Variants in TSKS observed in about 807,000 individuals in gnomAD.
TSKS encodes testis-specific serine kinase substrate.
A neutral mutation model predicts 68.0 loss-of-function variants in TSKS; 27 were observed. That is an observed-to-expected ratio of 0.40 (90% confidence interval 0.29 to 0.55). TSKS has a LOEUF of 0.55. TSKS is among the 20% of genes least tolerant of loss of function. TSKS has a pLI of 0.53. For synonymous variants in TSKS, 331 were observed against 340.4 expected (o/e 0.97, Z 0.30); for missense variants, 806 against 776.0 (o/e 1.04, Z -0.46).
At chr19:49,747,558 C>T in intron 4 of TSKS, 86 bp from the exon 5 acceptor site, 1 of 1,350,578 alleles carries the variant, frequency 7.4e-7, no homozygotes, top group South Asian at 1.2e-5. Context: ...CATCCAGGCT[C>T]CAGGCCTCCT....
Position 49,744,220 on chromosome 19 carries a change from A to T in TSKS, c.1361+11T>A, listed in dbSNP as rs774671172. On this transcript the variant is annotated intron_variant, in intron 8 of 10. Transcript: ENST00000246801. ...CCACAAGGCTCCCAGAGGCAAGCCC[A>T]GCCCCGTTACCTGGCACAGCGGGCA... is the stretch of plus-strand genomic sequence containing the variant. 8.7e-6 allele frequency: 14 copies of T among 1,607,814 alleles called. No individual in the cohort carries two copies. The highest frequency in any genetic ancestry group is 6.7e-5 in the Admixed American group (4 of 59,870).
At chr19:49,752,736 A>G (rs752361397) in intron 2 of TSKS, among the ~76,000 whole-genome samples, 1 of 152,248 alleles carries the variant, frequency 6.6e-6, no homozygotes, top group South Asian at 2.1e-4. Flanking sequence ...GGAAAATCTG[A>G]TGGACATATC....
At chr19:49,755,550 G>GCT (rs1319726874) in intron 2 of TSKS, among the ~76,000 whole-genome samples, 1 of 151,976 alleles carries the variant, frequency 6.6e-6, no homozygotes, top group African/African-American at 2.4e-5. Flanking sequence ...CAATAAGAAG[G>GCT]CTGGACATGG....
chr19:49,747,245 A>T, intron 5 of TSKS, 144 bp downstream of exon 5: 5 of 1,553,230 alleles, frequency 3.2e-6, no homozygotes, highest in Non-Finnish European at 4.3e-6. Context: ...CCCTCTTATC[A>T]GCGAGTTCTA....
chr19:49,759,978 C>T (rs982229203), intron 2 of TSKS, among the ~76,000 whole-genome samples: 3 of 151,168 alleles, frequency 2.0e-5, no homozygotes, highest in African/African-American at 4.9e-5. Flanking sequence ...CATGGTGAAA[C>T]CCCATCTCTA....
At chr19:49,745,651 T>C (rs974209072) in intron 6 of TSKS, among the ~76,000 whole-genome samples, 1 of 152,060 alleles carries the variant, frequency 6.6e-6, no homozygotes, top group Non-Finnish European at 1.5e-5. Flanking sequence ...CCCCAACCTC[T>C]ACCTGGGCTC....
intron 2 of TSKS, among the ~76,000 whole-genome samples, chr19:49,754,917 G>A (rs944315396): frequency 6.6e-6 from 1 of 152,080 alleles, no homozygotes; most frequent in African/African-American, 2.4e-5. Context: ...GGCCAACAAG[G>A]TGAAACCCCG....
intron 2 of TSKS, among the ~76,000 whole-genome samples, chr19:49,758,297 T>C (rs1480299042): frequency 6.6e-6 from 1 of 152,178 alleles, no homozygotes; most frequent in East Asian, 1.9e-4. Context: ...TTCCAGCTCC[T>C]GCTGCCCCCC....
At chr19:49,758,102 T>TGGTCTCTGTCCCCCACTCTCTG (rs879360012) in intron 2 of TSKS, among the ~76,000 whole-genome samples, 8,455 of 147,524 alleles carry the variant, frequency 0.057, 434 homozygotes, top group African/African-American at 0.13. Flanking sequence ...TCCTCTCTCT[T>TGGTCTCTGTCCCCCACTCTCTG]GGTCTCTGTC....
At chr19:49,747,165 C>A in intron 5 of TSKS, 1 of 1,536,308 alleles carries the variant, frequency 6.5e-7, no homozygotes, top group Non-Finnish European at 8.7e-7. Flanking sequence ...CAGCTCGATT[C>A]TCTTTCTGGG....
intron 2 of TSKS, among the ~76,000 whole-genome samples, chr19:49,751,442 T>C (rs2084350085): frequency 6.6e-6 from 1 of 151,406 alleles, no homozygotes; most frequent in Non-Finnish European, 1.5e-5. Context: ...TCAAAGAGCA[T>C]TTATTCAAGA....
At chr19:49,742,119 C>A in intron 8 of TSKS, 99 bp from the exon 9 acceptor site, 1 of 1,379,538 alleles carries the variant, frequency 7.2e-7, no homozygotes. Flanking sequence ...GGCCTCGTTT[C>A]CAGTATGCAC....
rs769888928 is a variant in TSKS at position 49,748,034 on chromosome 19, T to G, written c.579+51A>C. On this transcript the variant is annotated intron_variant, in intron 4 of 10. Transcript: ENST00000246801. ...TCCTCCCCTCTTTCTCCCACCCTCTTCTTACTCCCATTCCCCTCTCCCCAT... is the reference window on the plus strand; with the variant it reads ...TCCTCCCCTCTTTCTCCCACCCTCTGCTTACTCCCATTCCCCTCTCCCCAT... The G allele has an allele frequency of 2.6e-6, 4 of 1,560,672 alleles. No homozygotes were observed. The African/African-American group carries it at 5.4e-5, about 21-fold the overall frequency.
At chr19:49,750,831 G>A (rs2084343967) in intron 2 of TSKS, among the ~76,000 whole-genome samples, 1 of 152,046 alleles carries the variant, frequency 6.6e-6, no homozygotes, top group Non-Finnish European at 1.5e-5. Flanking sequence ...AGCATTTTAT[G>A]TGCAAAAAAG....
chr19:49,741,523 A>G (rs973657066), intron 9 of TSKS, among the ~76,000 whole-genome samples: 8 of 152,128 alleles, frequency 5.3e-5, no homozygotes, highest in Admixed American at 1.3e-4. Flanking sequence ...GCTGACCCCA[A>G]TGATCTTGTA....
rs1216921684 is a variant in TSKS, at chr19:49,755,867, G to T, written c.399+6137C>A. On this transcript the variant is annotated intron_variant, in intron 2 of 10. Coordinates refer to ENST00000246801, the MANE Select transcript of TSKS (RefSeq NM_021733.2). ...AATGCAAAAATTAGCCTGGCGCGGTGGTAGGCACCTGTAGTCCCAGCTACT... is the reference window on the plus strand; with the variant it reads ...AATGCAAAAATTAGCCTGGCGCGGTTGTAGGCACCTGTAGTCCCAGCTACT... Among the ~76,000 whole-genome samples the T allele has an allele frequency of 2.0e-5, 3 of 152,022 alleles. No individual in the cohort carries two copies. The East Asian group carries it at 5.8e-4, about 29-fold the overall frequency.
In TSKS at chr19:49,739,896, CTTCAAGTGTAGATG is replaced by C; in HGVS notation, c.1645_1658del (p.His549AspfsTer14). On this transcript the variant is annotated frameshift_variant, in exon 11 of 11. Coordinates refer to ENST00000246801, the MANE Select transcript of TSKS (RefSeq NM_021733.2). LOFTEE classifies it high-confidence loss of function. Reference sequence around the variant, plus strand: ...TGAGATGATCGTGGAGGGAGCACATCTTCAAGTGTAGATGGTCCAGAGTGGCCATCTTCTCCCTG... The same window carrying C: ...TGAGATGATCGTGGAGGGAGCACATCGTCCAGAGTGGCCATCTTCTCCCTG... 1 of 1,613,984 alleles carries C rather than the reference CTTCAAGTGTAGATG, an allele frequency of 6.2e-7. No individual in the cohort carries two copies. The highest frequency in any genetic ancestry group is 8.5e-7 in the Non-Finnish European group (1 of 1,179,950).
In TSKS at chr19:49,741,873, A is replaced by G. The variant is rs751740189; in HGVS notation, c.1497+12T>C. 1 of 1,614,048 alleles carries G rather than the reference A, an allele frequency of 6.2e-7. No homozygotes were observed. Among genetic ancestry groups the G allele is most frequent in the Non-Finnish European group, 8.5e-7 (1 of 1,179,988 alleles). On this transcript the variant is annotated intron_variant, in intron 9 of 10. Coordinates refer to ENST00000246801, the MANE Select transcript of TSKS (RefSeq NM_021733.2). ...AGTAAAGTGGGACATGGTGGCCCAT[A>G]TTCCCTGGTACCAGAATCTTCTTGT... is the stretch of plus-strand genomic sequence containing the variant.
chr19:49,759,732 G>A (rs971589207), intron 2 of TSKS, among the ~76,000 whole-genome samples: 1 of 151,998 alleles, frequency 6.6e-6, no homozygotes, highest in Non-Finnish European at 1.5e-5. Flanking sequence ...CTACTTGGGA[G>A]GTCAAGGTGG....
Sources: gnomAD v4.1 joint callset for allele counts (sites outside exome capture counted in the v4.1 genomes callset) on GRCh38, gnomAD v4.1.1 for gene constraint, MANE v1.5 for transcripts, NCBI Gene and HGNC (gene_info 2026-07-23, HGNC 2026-07-21) for gene names.